Variants in CNBD1 observed in about 807,000 individuals in gnomAD.
CNBD1 encodes the protein cyclic nucleotide-binding domain-containing protein 1.
In CNBD1, 71 loss-of-function variants were observed where a neutral mutation model predicts 54.4. The observed-to-expected ratio is 1.30, with a 90% CI of 1.08 to 1.59. The LOEUF (loss-of-function observed/expected upper bound fraction) is 1.59. Ranked by LOEUF, CNBD1 falls within the 40% of genes most tolerant of loss-of-function variation. The pLI is 0.00. For missense variants in CNBD1, 659 were observed against 518.0 expected (o/e 1.27, Z -2.64); for synonymous variants, 182 against 170.7 (o/e 1.07, Z -0.51).
At chr8:87,419,149 A>G (rs1002323834) in intron 2 of CNBD1, among the ~76,000 whole-genome samples, 9 of 151,948 alleles carry the variant, frequency 5.9e-5, no homozygotes, top group Admixed American at 5.9e-4. Flanking sequence ...TTTATGCTAC[A>G]AACAATAGAT....
At chr8:87,130,111 G>A (rs1031696599) in intron 4 of CNBD1, among the ~76,000 whole-genome samples, 1 of 152,080 alleles carries the variant, frequency 6.6e-6, no homozygotes, top group Non-Finnish European at 1.5e-5. Context: ...CCTCCCACCA[G>A]TTCCCTCCCA....
intron 1 of CNBD1, among the ~76,000 whole-genome samples, chr8:86,874,743 T>G (rs1042035500): frequency 6.6e-6 from 1 of 151,842 alleles, no homozygotes; most frequent in South Asian, 2.1e-4. Flanking sequence ...GGGAGCCACT[T>G]CAAGTTGGTT....
chr8:87,224,135 G>C (rs1010706673), intron 5 of CNBD1, among the ~76,000 whole-genome samples: 4 of 151,900 alleles, frequency 2.6e-5, no homozygotes, highest in Non-Finnish European at 5.9e-5. Context: ...GTAGATTCTG[G>C]ATATTACCCC....
intron 2 of CNBD1, among the ~76,000 whole-genome samples, chr8:87,396,859 G>A (rs1372914503): frequency 7.1e-6 from 1 of 141,038 alleles, no homozygotes; most frequent in Non-Finnish European, 1.6e-5. Context: ...GTGACTTCTT[G>A]GTTTTCTTTC....
chr8:87,321,535 G>T (rs1586010745), intron 8 of CNBD1, among the ~76,000 whole-genome samples: 2 of 151,752 alleles, frequency 1.3e-5, no homozygotes, highest in Admixed American at 6.6e-5. Context: ...TTTTTTAAAG[G>T]GTTTTTTGAT....
intron 4 of CNBD1, among the ~76,000 whole-genome samples, chr8:86,963,334 C>A (rs1475127719): frequency 6.6e-6 from 1 of 152,112 alleles, no homozygotes; most frequent in African/African-American, 2.4e-5. Context: ...AAGCAGGAGG[C>A]CTAATTGTCA....
intron 4 of CNBD1, among the ~76,000 whole-genome samples, chr8:87,188,754 A>T (rs1586316939): frequency 6.6e-6 from 1 of 151,452 alleles, no homozygotes; most frequent in Middle Eastern, 3.4e-3. Flanking sequence ...ATCTCAAAAA[A>T]AAAAAAAAAT....
intron 4 of CNBD1, among the ~76,000 whole-genome samples, chr8:86,975,834 T>C (rs1188001702): frequency 6.6e-6 from 1 of 152,046 alleles, no homozygotes; most frequent in African/African-American, 2.4e-5. Context: ...TCATAATTTA[T>C]ATTACCACCA....
intron 2 of CNBD1, among the ~76,000 whole-genome samples, chr8:87,417,041 G>T (rs1443113578): frequency 6.6e-6 from 1 of 151,886 alleles, no homozygotes; most frequent in East Asian, 1.9e-4. Flanking sequence ...ATGTTGATGG[G>T]ATAAAGAACA....
chr8:87,327,431 G>A (rs1809703931), intron 8 of CNBD1, among the ~76,000 whole-genome samples: 1 of 152,166 alleles, frequency 6.6e-6, no homozygotes, highest in Admixed American at 6.5e-5. Flanking sequence ...TTTGATCTCA[G>A]ACTGCTGTGC....
At chr8:87,385,158 T>C (rs115938767), downstream of CNBD1, among the ~76,000 whole-genome samples, 1,475 of 152,106 alleles carry the variant, frequency 9.7e-3, 20 homozygotes, top group African/African-American at 0.033. Flanking sequence ...GATGCCCAAA[T>C]AGGATCAGCT....
intron 6 of CNBD1, among the ~76,000 whole-genome samples, chr8:87,281,354 C>T (rs897602895): frequency 1.3e-5 from 2 of 151,042 alleles, no homozygotes; most frequent in Non-Finnish European, 3.0e-5. Context: ...CCATCACTAT[C>T]CCCTGAACAT....
chr8:87,230,659 G>C (rs187182858), intron 5 of CNBD1, among the ~76,000 whole-genome samples: 1 of 152,146 alleles, frequency 6.6e-6, no homozygotes, highest in Non-Finnish European at 1.5e-5. Flanking sequence ...GGAATAATTA[G>C]TGTTAGAACA....
At chr8:87,021,628 C>T (rs968688694) in intron 4 of CNBD1, among the ~76,000 whole-genome samples, 7 of 152,158 alleles carry the variant, frequency 4.6e-5, no homozygotes, top group African/African-American at 1.7e-4. Context: ...GACACTTTTT[C>T]TTGTTTGCAC....
intron 10 of CNBD1, among the ~76,000 whole-genome samples, chr8:87,357,283 G>C (rs1810438351): frequency 1.3e-5 from 2 of 151,424 alleles, no homozygotes; most frequent in South Asian, 2.1e-4. Flanking sequence ...CCACCCTCCA[G>C]ACCTGAGAAT....
At chr8:87,194,693 C>T (rs542915752) in intron 4 of CNBD1, among the ~76,000 whole-genome samples, 3 of 151,838 alleles carry the variant, frequency 2.0e-5, no homozygotes, top group Non-Finnish European at 4.4e-5. Context: ...ATTTTAATTC[C>T]ATTTTAAATG....
intron 2 of CNBD1, among the ~76,000 whole-genome samples, chr8:87,412,583 A>G (rs1807765625): frequency 6.6e-6 from 1 of 152,116 alleles, no homozygotes; most frequent in Non-Finnish European, 1.5e-5. Flanking sequence ...AGAAATAGGA[A>G]CTTCACTATG....
intron 8 of CNBD1, among the ~76,000 whole-genome samples, chr8:87,297,755 T>A (rs1022787613): frequency 1.3e-5 from 2 of 152,002 alleles, no homozygotes; most frequent in African/African-American, 4.8e-5. Flanking sequence ...TATTTACCTG[T>A]AATATTTTAA....
downstream of CNBD1, chr8:87,382,992 A>T (rs113984265): frequency 0.014 from 2,312 of 165,442 alleles, 61 homozygotes; most frequent in African/African-American, 0.049. Flanking sequence ...TCAAGTTGTC[A>T]TTTTTGACTG....
Sources: allele counts gnomAD v4.1 joint callset (sites outside exome capture counted in the v4.1 genomes callset), GRCh38; gene constraint gnomAD v4.1.1; transcripts MANE v1.5; gene names NCBI Gene and HGNC (gene_info 2026-07-23, HGNC 2026-07-21).